KIF16B: variants seen among roughly 807,000 people sequenced by gnomAD.
KIF16B encodes the protein kinesin family member 16B, also known as kinesin-like protein KIF16B.
In KIF16B, 98 loss-of-function variants were observed where a neutral mutation model predicts 156.3. That is an observed-to-expected ratio of 0.63 (90% CI 0.53 to 0.74). The LOEUF (loss-of-function observed/expected upper bound fraction) is 0.74, where lower values mean the gene tolerates loss of function less well. KIF16B is among the 30% of genes least tolerant of loss of function. The pLI, the probability that KIF16B is intolerant of heterozygous loss-of-function variation, is 0.00. For synonymous variants in KIF16B, 564 were observed against 583.7 expected (o/e 0.97, Z 0.49); for missense variants, 1,421 against 1,606.5 (o/e 0.88, Z 1.97).
chr20:16,315,495 C>A (rs1438319141), intron 24 of KIF16B, among the ~76,000 whole-genome samples: 1 of 152,150 alleles, frequency 6.6e-6, no homozygotes, highest in Non-Finnish European at 1.5e-5. Flanking sequence ...GTTGCAAAGT[C>A]TTTGGGGATC....
chr20:16,537,815 T>C (rs963482902), intron 1 of KIF16B, among the ~76,000 whole-genome samples: 6 of 151,032 alleles, frequency 4.0e-5, no homozygotes, highest in South Asian at 4.2e-4. Context: ...GCAATTCTCG[T>C]GCCTCAGCTT....
At chr20:16,456,862 C>A (rs541490602) in intron 12 of KIF16B, among the ~76,000 whole-genome samples, 112 of 152,280 alleles carry the variant, frequency 7.4e-4, no homozygotes, top group African/African-American at 2.6e-3. Context: ...GCAGTCAAGG[C>A]TCATCCAGTG....
At chr20:16,382,849 G>A (rs2065132024) in intron 17 of KIF16B, among the ~76,000 whole-genome samples, 1 of 150,994 alleles carries the variant, frequency 6.6e-6, no homozygotes, top group South Asian at 2.1e-4. Context: ...CTACAGAAAA[G>A]TCACCATAAA....
At chr20:16,554,830 T>C (rs923804899) in intron 1 of KIF16B, among the ~76,000 whole-genome samples, 25 of 152,236 alleles carry the variant, frequency 1.6e-4, no homozygotes, top group Non-Finnish European at 7.3e-5. Context: ...CGGAAGCTGT[T>C]TGCAGTACAT....
At chr20:16,506,762 A>C (rs1057391593) in intron 7 of KIF16B, among the ~76,000 whole-genome samples, 2 of 152,162 alleles carry the variant, frequency 1.3e-5, no homozygotes, top group African/African-American at 4.8e-5. Context: ...GCCCCCCGCC[A>C]GATTACTATA....
intron 22 of KIF16B, among the ~76,000 whole-genome samples, chr20:16,358,342 C>T (rs921492004): frequency 3.3e-5 from 5 of 152,294 alleles, no homozygotes; most frequent in East Asian, 1.9e-4. Context: ...TTTAGGATCA[C>T]GTGAATGATC....
At chr20:16,497,055 G>A (rs577412427) in intron 11 of KIF16B, among the ~76,000 whole-genome samples, 20 of 152,026 alleles carry the variant, frequency 1.3e-4, no homozygotes, top group African/African-American at 4.3e-4. Flanking sequence ...CCATAAAACT[G>A]GTTTTTCAAA....
At chr20:16,440,561 A>G (rs866708985) in intron 12 of KIF16B, among the ~76,000 whole-genome samples, 14 of 100,170 alleles carry the variant, frequency 1.4e-4, no homozygotes, top group South Asian at 5.6e-4. Context: ...ACACACACAC[A>G]CACACACACA....
At chr20:16,326,173 G>C (rs1240437840) in intron 24 of KIF16B, among the ~76,000 whole-genome samples, 1 of 151,706 alleles carries the variant, frequency 6.6e-6, no homozygotes, top group Non-Finnish European at 1.5e-5. Flanking sequence ...GACTTAAATA[G>C]AAGACCTGAA....
At chr20:16,335,536 T>C (rs932490529) in intron 24 of KIF16B, among the ~76,000 whole-genome samples, 1 of 152,202 alleles carries the variant, frequency 6.6e-6, no homozygotes, top group Non-Finnish European at 1.5e-5. Flanking sequence ...GTCTTTCTTT[T>C]TTAAAGAAAA....
chr20:16,521,475 G>T (rs6044061), intron 3 of KIF16B, among the ~76,000 whole-genome samples: 36,091 of 151,634 alleles, frequency 0.24, 4,914 homozygotes, highest in East Asian at 0.36. Flanking sequence ...GGAGAAAAAA[G>T]AATGAAAAGG....
intron 12 of KIF16B, among the ~76,000 whole-genome samples, chr20:16,470,844 AT>A (rs60009407): frequency 5.4e-5 from 8 of 149,332 alleles, no homozygotes; most frequent in South Asian, 4.3e-4. Context: ...AATAAGATTG[AT>A]TTTTTTTTTA....
At chr20:16,511,356 T>C in intron 6 of KIF16B, 62 bp downstream of exon 6, 1 of 911,662 alleles carries the variant, frequency 1.1e-6, no homozygotes, top group Non-Finnish European at 1.7e-6. Flanking sequence ...TATTTTTTCA[T>C]TGAAAGTGTT....
chr20:16,363,553 C>T lies in KIF16B; in HGVS notation c.3498+7033G>A, dbSNP rs898687493. The stretch of plus-strand genomic sequence containing the variant: ...AGTCTCACCATGGCCTCTTGATGGA[C>T]GGAGGGTACTTCCTTGCCCCTTGAT... On this transcript the variant is annotated intron_variant, in intron 22 of 25. Coordinates refer to ENST00000354981, the MANE Select transcript of KIF16B (RefSeq NM_024704.5). Among the ~76,000 whole-genome samples, 12 of 152,272 alleles carry T rather than the reference C, an allele frequency of 7.9e-5. No individual in the cohort carries two copies. In the East Asian group the frequency reaches 1.4e-3, roughly 17 times the overall value.
rs1392956805 is a variant in KIF16B, at chr20:16,306,005, A to C, written c.3795+6330T>G. On this transcript the variant is annotated intron_variant, in intron 25 of 25. Coordinates refer to ENST00000354981, the MANE Select transcript of KIF16B (RefSeq NM_024704.5). ...CCTGCTTTCTGGATAAGAATTATTA[A>C]TACACTCAATCAGAGAATTGCCCCC... Among the ~76,000 whole-genome samples, 4 of 152,160 alleles carry C rather than the reference A, an allele frequency of 2.6e-5. No homozygotes were observed. In the East Asian group the frequency reaches 7.7e-4, roughly 29 times the overall value.
intron 2 of KIF16B, among the ~76,000 whole-genome samples, chr20:16,527,443 G>T (rs2147149011): frequency 1.3e-5 from 2 of 152,354 alleles, no homozygotes; most frequent in South Asian, 4.1e-4. Flanking sequence ...CCACAGATGT[G>T]AACAGGAGAT....
chr20:16,390,808 C>T (rs979248244), intron 17 of KIF16B, among the ~76,000 whole-genome samples: 1 of 152,192 alleles, frequency 6.6e-6, no homozygotes, highest in African/African-American at 2.4e-5. Flanking sequence ...TCTACATATA[C>T]AACAAAACTT....
chr20:16,430,385 C>T (rs936988699), intron 12 of KIF16B, among the ~76,000 whole-genome samples: 1 of 152,086 alleles, frequency 6.6e-6, no homozygotes, highest in Admixed American at 6.6e-5. Context: ...TGAGAAGAAG[C>T]CTTCCTGTGC....
intron 25 of KIF16B, among the ~76,000 whole-genome samples, chr20:16,287,673 C>T (rs1442107854): frequency 6.6e-6 from 1 of 152,200 alleles, no homozygotes; most frequent in Non-Finnish European, 1.5e-5. Flanking sequence ...TCAGTTTTTA[C>T]AGGGTGACGT....
Sources: allele counts gnomAD v4.1 joint callset (sites outside exome capture counted in the v4.1 genomes callset), GRCh38; gene constraint gnomAD v4.1.1; transcripts MANE v1.5; gene names NCBI Gene and HGNC (gene_info 2026-07-23, HGNC 2026-07-21).